TCF20: variants seen among roughly 807,000 people sequenced by gnomAD.
TCF20 encodes the protein transcription factor 20, also known as SPRE-binding protein.
Under a neutral mutation model 148.6 loss-of-function variants are expected in TCF20, and 3 were observed. That is an observed-to-expected ratio of 0.02 (90% CI 0.01 to 0.05). The LOEUF (loss-of-function observed/expected upper bound fraction) is 0.05. Among genes scored for constraint, TCF20 ranks in the 10% least tolerant of loss-of-function variants. The pLI, the probability that TCF20 is intolerant of heterozygous loss-of-function variation, is 1.00. For synonymous variants in TCF20, 1,049 were observed against 909.5 expected (o/e 1.15, Z -2.76); for missense variants, 2,350 against 2,429.3 (o/e 0.97, Z 0.69).
chr22:42,164,337 C>A (rs1456659796), intron 5 of TCF20, among the ~76,000 whole-genome samples: 1 of 151,890 alleles, frequency 6.6e-6, no homozygotes, highest in Admixed American at 6.6e-5. Context: ...GCCTCAGTCT[C>A]CCGAGTAGCT....
chr22:42,260,240 C>G (rs989179662), intron 1 of TCF20, among the ~76,000 whole-genome samples: 4 of 152,096 alleles, frequency 2.6e-5, no homozygotes, highest in Non-Finnish European at 5.9e-5. Context: ...GGAAGGTGAA[C>G]AAACCTGTAG....
rs78717726 is a variant in TCF20, at chr22:42,169,443, C to T, written c.5799+404G>A. Among the ~76,000 whole-genome samples, 1,176 of 152,284 alleles carry T rather than the reference C, an allele frequency of 7.7e-3. 23 individuals are homozygous for T. Among genetic ancestry groups the T allele is most frequent in the African/African-American group, 0.027 (1,120 of 41,556 alleles). ...CTTCCCCAGAGCCTTGTGGTCAGCTCGACTTCTAGTCTGGGAAGATGCCTT... is the reference window on the plus strand; with the variant it reads ...CTTCCCCAGAGCCTTGTGGTCAGCTTGACTTCTAGTCTGGGAAGATGCCTT... On this transcript the variant is annotated intron_variant, in intron 4 of 5. Coordinates refer to ENST00000677622, the MANE Select transcript of TCF20 (RefSeq NM_001378418.1).
At chr22:42,241,588 AG>A (rs2147311828) in intron 1 of TCF20, among the ~76,000 whole-genome samples, 1 of 152,282 alleles carries the variant, frequency 6.6e-6, no homozygotes, top group African/African-American at 2.4e-5. Flanking sequence ...GCACTTTGGG[AG>A]GCTGGGGCAG....
chr22:42,178,694 T>G lies in TCF20; in HGVS notation c.5749+915A>C, dbSNP rs570482447. 2.7e-3 allele frequency among the ~76,000 whole-genome samples: 405 copies of G among 149,742 alleles called. 3 individuals are homozygous for G. The highest frequency in any genetic ancestry group is 9.6e-3 in the African/African-American group (391 of 40,686). On this transcript the variant is annotated intron_variant, in intron 3 of 5. Coordinates refer to ENST00000677622, the MANE Select transcript of TCF20 (RefSeq NM_001378418.1). ...GCCTCCCGGGTTCAAGTGATTCTCCTGCCTCAGACTCCCGAGTAGCTGGGA... is the reference window on the plus strand; with the variant it reads ...GCCTCCCGGGTTCAAGTGATTCTCCGGCCTCAGACTCCCGAGTAGCTGGGA...
intron 5 of TCF20, among the ~76,000 whole-genome samples, chr22:42,164,642 C>T (rs1236825324): frequency 6.6e-6 from 1 of 152,208 alleles, no homozygotes; most frequent in African/African-American, 2.4e-5. Context: ...ATGGAGCTTA[C>T]AGTCTAGTGG....
intron 1 of TCF20, among the ~76,000 whole-genome samples, chr22:42,242,218 A>AAAAAAAAAAAAAAAAAAAAAAAAAAAC (rs1555942526): frequency 7.0e-6 from 1 of 142,586 alleles, no homozygotes; most frequent in Non-Finnish European, 1.5e-5. Flanking sequence ...AAAAAAAAAA[A>AAAAAAAAAAAAAAAAAAAAAAAAAAAC]AAAAAAAAAC....
At chr22:42,249,320 A>G (rs1487692035) in intron 1 of TCF20, among the ~76,000 whole-genome samples, 1 of 152,194 alleles carries the variant, frequency 6.6e-6, no homozygotes, top group African/African-American at 2.4e-5. Flanking sequence ...GCCACCATTA[A>G]TCATATGAGC....
intron 5 of TCF20, among the ~76,000 whole-genome samples, chr22:42,161,613 C>T (rs1935464755): frequency 6.6e-6 from 1 of 152,210 alleles, no homozygotes; most frequent in Non-Finnish European, 1.5e-5. Flanking sequence ...CTCCTCAGGG[C>T]ATGTCTGCCT....
intron 2 of TCF20, among the ~76,000 whole-genome samples, chr22:42,195,190 C>T (rs1344628459): frequency 1.3e-5 from 2 of 150,682 alleles, no homozygotes; most frequent in Non-Finnish European, 3.0e-5. Flanking sequence ...GGTGGCACTA[C>T]ATTCACCCAG....
At chr22:42,259,264 C>G (rs1925908279) in intron 1 of TCF20, among the ~76,000 whole-genome samples, 1 of 152,180 alleles carries the variant, frequency 6.6e-6, no homozygotes, top group South Asian at 2.1e-4. Flanking sequence ...GCAAGAATAA[C>G]ATAACTCCCT....
chr22:42,324,040 A>ATGG (rs150536662), intron 1 of TCF20, among the ~76,000 whole-genome samples: 109 of 3,434 alleles, frequency 0.032, 16 homozygotes, highest in Non-Finnish European at 0.065. Flanking sequence ...GATGGAGGTT[A>ATGG]TGGTGGTGGT....
rs947186880 is a variant in TCF20, at chr22:42,215,195, C to T, written c.111G>A (p.Met37Ile). The T allele has an allele frequency of 1.1e-5, 17 of 1,614,106 alleles. No homozygotes were observed. Among genetic ancestry groups the T allele is most frequent in the Non-Finnish European group, 1.4e-5 (16 of 1,180,040 alleles). Residue 37 changes from methionine (M) to isoleucine (I), a missense_variant, in exon 2 of 6, where the codon ATG (methionine) becomes ATA (isoleucine). By Grantham distance (10) the Met-to-Ile change is conservative. Around this residue, in one of 7 missense-constraint regions of TCF20, gnomAD observed 1,641 missense variants for 1,662.6 expected, o/e 0.99. Transcript: ENST00000677622. ...CACCTGTACCTCCAAAATTCTGGAA[C>T]ATCTGGGCCTGACGAGGGCTGAACT... ...LEEFSPRQAQ[M>I]FQNFGGTGGS...
At position 42,214,458 on chromosome 22, in the gene TCF20, G is replaced by A. The variant is rs763742247; in HGVS notation, c.848C>T (p.Ala283Val). 31 of 1,614,120 alleles carry A rather than the reference G, an allele frequency of 1.9e-5. No individual in the cohort carries two copies. Among genetic ancestry groups the A allele is most frequent in the Non-Finnish European group, 2.6e-5 (31 of 1,180,010 alleles). Reference sequence around the variant, plus strand: ...GCTGTAATTGGATTGTGTTCCATAAGCCTGTGCATTAGAACCCACATTGTG... The same window carrying A: ...GCTGTAATTGGATTGTGTTCCATAAACCTGTGCATTAGAACCCACATTGTG... ...EGHNVGSNAQ[A>V]YGTQSNYSYQ... Residue 283 changes from alanine (A) to valine (V), a missense_variant, in exon 2 of 6, where the codon GCT becomes GTT. Transcript: ENST00000677622.
chr22:42,260,583 G>A (rs999269216), intron 1 of TCF20, among the ~76,000 whole-genome samples: 2 of 152,150 alleles, frequency 1.3e-5, no homozygotes, highest in African/African-American at 2.4e-5. Flanking sequence ...ACAGCTCGCA[G>A]ATGCAATACG....
chr22:42,172,469 A>T (rs1431593710), intron 3 of TCF20, among the ~76,000 whole-genome samples: 3 of 152,234 alleles, frequency 2.0e-5, no homozygotes, highest in Admixed American at 6.5e-5. Flanking sequence ...TGCATAGTGA[A>T]GTCAAAGTAA....
intron 2 of TCF20, among the ~76,000 whole-genome samples, chr22:42,200,641 CAAAAAAAA>C (rs34605295): frequency 2.1e-5 from 2 of 96,506 alleles, no homozygotes; most frequent in Non-Finnish European, 3.9e-5. Flanking sequence ...GACTTCGTCT[CAAAAAAAA>C]AAAAAAAAAA....
intron 2 of TCF20, among the ~76,000 whole-genome samples, chr22:42,190,060 T>TAA (rs1209634269): frequency 6.6e-6 from 1 of 152,100 alleles, no homozygotes; most frequent in Non-Finnish European, 1.5e-5. Flanking sequence ...CAAGTTAATT[T>TAA]AAGTCTTGAT....
intron 1 of TCF20, among the ~76,000 whole-genome samples, chr22:42,249,722 T>C (rs1287363422): frequency 6.6e-6 from 1 of 152,162 alleles, no homozygotes; most frequent in African/African-American, 2.4e-5. Context: ...AGGCAAAAAA[T>C]ACAAGAAATC....
At chr22:42,228,484 T>C (rs1477896310) in intron 1 of TCF20, among the ~76,000 whole-genome samples, 1 of 152,144 alleles carries the variant, frequency 6.6e-6, no homozygotes, top group Non-Finnish European at 1.5e-5. Context: ...GAAGACAACA[T>C]GGTAGAGAGA....
Sources: allele counts gnomAD v4.1 joint callset (sites outside exome capture counted in the v4.1 genomes callset), GRCh38; gene constraint gnomAD v4.1.1; regional missense constraint gnomAD v4.1.1; transcripts MANE v1.5; gene names NCBI Gene and HGNC (gene_info 2026-07-23, HGNC 2026-07-21).